The following OTOA variants were observed in gnomAD, a reference collection of about 807,000 sequenced individuals.
OTOA encodes the protein cancer/testis antigen 108.
In OTOA, 70 loss-of-function variants were observed where a neutral mutation model predicts 110.8. The ratio of observed to expected loss-of-function variants is 0.63; its 90% CI spans 0.52 to 0.77. The LOEUF (loss-of-function observed/expected upper bound fraction) is 0.77, where lower values mean the gene tolerates loss of function less well. Among genes scored for constraint, OTOA ranks in the 30% least tolerant of loss-of-function variants. The probability of loss-of-function intolerance (pLI) is 0.00; values close to 1 mark genes in which losing one functional copy is unlikely to be tolerated. For missense variants in OTOA, 917 were observed against 1,075.8 expected (o/e 0.85, Z 2.06); for synonymous variants, 373 against 431.5 (o/e 0.86, Z 1.68).
At chr16:21,684,357 G>C (rs1966959057) in intron 6 of OTOA, 1 of 1,399,198 alleles carries the variant, frequency 7.1e-7, no homozygotes, top group Admixed American at 2.6e-5. Flanking sequence ...AGACAGCAGA[G>C]GAAATCTCTT....
At chr16:21,736,545 T>A (rs1899306310) in intron 22 of OTOA, among the ~76,000 whole-genome samples, 155 bp downstream of exon 22, 2 of 152,184 alleles carry the variant, frequency 1.3e-5, no homozygotes, top group Non-Finnish European at 1.5e-5. Flanking sequence ...GAATTACACT[T>A]TTGGTTCAGG....
rs560638361 is a variant in OTOA at position 21,726,475 on chromosome 16, C to A, written c.1881-48C>A. The A allele has an allele frequency of 2.5e-6, 4 of 1,611,208 alleles. 1 individual carries two copies. In the South Asian group the frequency reaches 4.4e-5, roughly 18 times the overall value. ...GGCGGACCCTGATTTTAGGGGCCAA[C>A]AGGAGCAGCCATGTGTTCCTCCTCT... is the stretch of plus-strand genomic sequence containing the variant. On this transcript the variant is annotated intron_variant, in intron 18 of 28. Coordinates refer to ENST00000646100, the MANE Select transcript of OTOA (RefSeq NM_144672.4).
intron 13 of OTOA, among the ~76,000 whole-genome samples, chr16:21,712,598 TGGGAG>T (rs976851635): frequency 6.6e-6 from 1 of 151,694 alleles, no homozygotes; most frequent in Admixed American, 6.6e-5. Flanking sequence ...CCCAGCACTT[TGGGAG>T]GCCGAGACAG....
At chr16:21,728,483 G>T in intron 20 of OTOA, 52 bp downstream of exon 20, 1 of 1,585,226 alleles carries the variant, frequency 6.3e-7, no homozygotes, top group East Asian at 2.3e-5. Flanking sequence ...TCTGTGGAGG[G>T]ACACTCAACC....
At chr16:21,720,349 G>A (rs1898692052) in intron 17 of OTOA, among the ~76,000 whole-genome samples, 1 of 152,112 alleles carries the variant, frequency 6.6e-6, no homozygotes, top group Non-Finnish European at 1.5e-5. Context: ...CTCCTGTAAT[G>A]GATATTAAAA....
intron 9 of OTOA, among the ~76,000 whole-genome samples, chr16:21,694,282 A>T (rs921404552): frequency 2.6e-5 from 4 of 152,044 alleles, no homozygotes; most frequent in East Asian, 1.9e-4. Context: ...TTCTTAAAAA[A>T]TTTTTTAAAA....
intron 9 of OTOA, among the ~76,000 whole-genome samples, chr16:21,695,891 A>ATATATATATATATATATTTTTTTTTTTTT (rs569493650): frequency 9.5e-5 from 4 of 41,894 alleles, no homozygotes; most frequent in Non-Finnish European, 1.5e-4. Context: ...ATATATATAT[A>ATATATATATATATATATTTTTTTTTTTTT]TTTTTTTTTT....
rs780071647 is a variant in OTOA at position 21,726,549 on chromosome 16, C to G, written c.1907C>G (p.Ala636Gly). ...LPARYLASVP[A>G]SQCVPFLISL... The stretch of plus-strand genomic sequence containing the variant: ...GCCCGCTACCTGGCTTCTGTCCCAG[C>G]CTCCCAGTGTGTGCCCTTTCTGATC... Residue 636 changes from alanine (A) to glycine (G), a missense_variant, in exon 19 of 29, where the codon GCC becomes GGC. Physicochemically the swap from Ala to Gly is moderately conservative, Grantham distance 60 (BLOSUM62 0). Coordinates refer to ENST00000646100, the MANE Select transcript of OTOA (RefSeq NM_144672.4). 6.8e-6 allele frequency: 11 copies of G among 1,614,016 alleles called. No individual in the cohort carries two copies. The highest frequency in any genetic ancestry group is 8.5e-6 in the Non-Finnish European group (10 of 1,180,016).
At position 21,700,939 on chromosome 16, in the gene OTOA, T is replaced by A; in HGVS notation, c.892T>A (p.Tyr298Asn). The change falls in exon 11 of 29, where the codon TAT (tyrosine) becomes AAT (asparagine). Residue 298 changes from tyrosine (Y) to asparagine (N), a missense_variant. By Grantham distance (143) the Tyr-to-Asn change is moderately radical. Transcript: ENST00000646100. ...CGCCACCAAGCAGCTGGACATGGTC[T>A]ATGACATCACACCTGAGCTGGCCCA... ...DNATKQLDMV[Y>N]DITPELAQAF... 2 of 1,614,066 alleles carry A rather than the reference T, an allele frequency of 1.2e-6. No individual in the cohort carries two copies. The highest frequency in any genetic ancestry group is 1.7e-6 in the Non-Finnish European group (2 of 1,180,012).
chr16:21,690,229 G>C (rs910681541), intron 8 of OTOA, among the ~76,000 whole-genome samples: 2 of 152,098 alleles, frequency 1.3e-5, no homozygotes, highest in Non-Finnish European at 2.9e-5. Flanking sequence ...TGCAGGATGT[G>C]CAGGTTTGTT....
intron 12 of OTOA, among the ~76,000 whole-genome samples, chr16:21,706,310 C>T (rs2141681957): frequency 6.6e-6 from 1 of 152,286 alleles, no homozygotes; most frequent in East Asian, 1.9e-4. Flanking sequence ...TTCCAACAAG[C>T]TTCCAGGTGA....
In OTOA at chr16:21,664,060, G is replaced by C. The variant is rs1346262579; in HGVS notation, c.-177G>C. 1 of 152,114 alleles carries C rather than the reference G, an allele frequency of 6.6e-6. No homozygotes were observed. The highest frequency in any genetic ancestry group is 2.4e-5 in the African/African-American group (1 of 41,426). 9.4% of individuals were successfully genotyped at this position (152,114 alleles called of 1,614,324 possible). On this transcript the variant is annotated 5_prime_UTR_variant, in exon 1 of 29. Coordinates refer to ENST00000646100, the MANE Select transcript of OTOA (RefSeq NM_144672.4). ...CCAGGCGGGGACTGTGACCCCCGCCGCTGCCCTGGCTGAGTTCCCACCTGG... is the reference window on the plus strand; with the variant it reads ...CCAGGCGGGGACTGTGACCCCCGCCCCTGCCCTGGCTGAGTTCCCACCTGG...
chr16:21,701,974 A>G (rs1448033923), intron 11 of OTOA, among the ~76,000 whole-genome samples: 3 of 140,062 alleles, frequency 2.1e-5, no homozygotes, highest in African/African-American at 8.1e-5. Flanking sequence ...TTTTTGAGAC[A>G]GAGTCTCACT....
rs1897758495 is a variant in OTOA, at chr16:21,688,206, A to G, written c.635+558A>G. Among the ~76,000 whole-genome samples, 2 of 151,904 alleles carry G rather than the reference A, an allele frequency of 1.3e-5. 1 individual carries two copies. The highest frequency in any genetic ancestry group is 4.2e-4 in the South Asian group (2 of 4,818). Reference sequence around the variant, plus strand: ...AGTTCGAGACCAGCCTGGCCAACATAATGAAACCACGTCTCTACTAAAAAT... The same window carrying G: ...AGTTCGAGACCAGCCTGGCCAACATGATGAAACCACGTCTCTACTAAAAAT... On this transcript the variant is annotated intron_variant, in intron 8 of 28. Transcript: ENST00000646100.
chr16:21,664,807 A>G (rs529198745), intron 1 of OTOA, among the ~76,000 whole-genome samples: 161 of 151,970 alleles, frequency 1.1e-3, no homozygotes, highest in African/African-American at 3.5e-3. Context: ...TTCCATCTCT[A>G]CTAAAAATAC....
At chr16:21,692,234 G>A (rs1302936072) in intron 9 of OTOA, among the ~76,000 whole-genome samples, 8 of 152,010 alleles carry the variant, frequency 5.3e-5, no homozygotes, top group Non-Finnish European at 1.2e-4. Context: ...GGTTGAGGCA[G>A]GAGAATCGCT....
intron 12 of OTOA, among the ~76,000 whole-genome samples, chr16:21,709,391 C>T (rs1898286829): frequency 6.6e-6 from 1 of 151,760 alleles, no homozygotes; most frequent in South Asian, 2.1e-4. Context: ...GCCAAGACCA[C>T]ACCATTATAC....
At chr16:21,753,485 A>G (rs1310304603) in intron 27 of OTOA, among the ~76,000 whole-genome samples, 1 of 42,408 alleles carries the variant, frequency 2.4e-5, no homozygotes, top group Non-Finnish European at 4.8e-5. Flanking sequence ...TACTGTATGT[A>G]ACTTCATACC....
At chr16:21,689,681 T>C (rs1311404309) in intron 8 of OTOA, among the ~76,000 whole-genome samples, 1 of 151,986 alleles carries the variant, frequency 6.6e-6, no homozygotes, top group Non-Finnish European at 1.5e-5. Context: ...GTGCACTTTA[T>C]TTATGTAATT....
Sources: allele counts gnomAD v4.1 joint callset (sites outside exome capture counted in the v4.1 genomes callset), GRCh38; gene constraint gnomAD v4.1.1; transcripts MANE v1.5; gene names NCBI Gene and HGNC (gene_info 2026-07-23, HGNC 2026-07-21).